The following RTN4 variants were observed in gnomAD, a reference collection of about 807,000 sequenced individuals.
The protein encoded by RTN4 is reticulon 4.
In RTN4, 32 loss-of-function variants were observed where a neutral mutation model predicts 90.4. The observed-to-expected ratio is 0.35, with a 90% confidence interval of 0.27 to 0.48. The LOEUF (loss-of-function observed/expected upper bound fraction) is 0.48. RTN4 is among the 20% of genes least tolerant of loss of function. RTN4 has a pLI of 0.99. For missense variants in RTN4, 1,706 were observed against 1,430.2 expected (o/e 1.19, Z -3.11); for synonymous variants, 629 against 552.5 (o/e 1.14, Z -1.94).
chr2:55,043,830 G>A (rs941395599), intron 1 of RTN4, among the ~76,000 whole-genome samples: 4 of 152,058 alleles, frequency 2.6e-5, no homozygotes, highest in South Asian at 4.1e-4. Context: ...AGGTTGCAGT[G>A]AGCCAAGATT....
At chr2:55,012,996 ATTC>A (rs2104800680) in intron 3 of RTN4, among the ~76,000 whole-genome samples, 1 of 152,290 alleles carries the variant, frequency 6.6e-6, no homozygotes, top group Admixed American at 6.5e-5. Flanking sequence ...AAAAAAATTA[ATTC>A]TTTTGAGGAC....
chr2:55,095,513 T>A (rs1043548022), intron 1 of RTN4, among the ~76,000 whole-genome samples: 6 of 152,138 alleles, frequency 3.9e-5, no homozygotes, highest in Non-Finnish European at 8.8e-5. Flanking sequence ...TATTCAGATT[T>A]TTTTCTTTTC....
chr2:55,107,783 A>G (rs1573522003), intron 1 of RTN4, among the ~76,000 whole-genome samples: 1 of 152,064 alleles, frequency 6.6e-6, no homozygotes, highest in East Asian at 1.9e-4. Flanking sequence ...AGGATTTCTC[A>G]CCCTTGGTCA....
chr2:55,040,962 T>C (rs1167525092), intron 1 of RTN4, among the ~76,000 whole-genome samples: 2 of 150,602 alleles, frequency 1.3e-5, no homozygotes, highest in Non-Finnish European at 3.0e-5. Context: ...ATAATTATTT[T>C]TGAAAAGTAG....
rs117734746 is a variant in RTN4, at chr2:54,994,752, G to C, written c.3014-7054C>G. 2.0e-5 allele frequency among the ~76,000 whole-genome samples: 3 copies of C among 152,292 alleles called. No individual in the cohort carries two copies. In the East Asian group the frequency reaches 5.8e-4, roughly 29 times the overall value. Reference sequence around the variant, plus strand: ...AAAGACATACAAGGCATCCATATTGGAAAGGAAGAGATTAAACTCTATTTA... The same window carrying C: ...AAAGACATACAAGGCATCCATATTGCAAAGGAAGAGATTAAACTCTATTTA... On this transcript the variant is annotated intron_variant, in intron 3 of 8. Coordinates refer to ENST00000337526, the MANE Select transcript of RTN4 (RefSeq NM_020532.5).
Position 55,049,433 on chromosome 2 carries a change from G to A in RTN4, c.556+312C>T, listed in dbSNP as rs959757633. 23 of 412,846 alleles carry A rather than the reference G, an allele frequency of 5.6e-5. No homozygotes were observed. The Admixed American group carries it at 8.5e-4, about 15-fold the overall frequency. The allele number at this position is 412,846 out of a possible 1,614,324, so 25.6% of individuals were successfully genotyped here. ...AACCCTGGCTCTCGGGTATATACCC[G>A]GCTCCTACTACGGGTGGGTGCCTAA... On this transcript the variant is annotated intron_variant, in intron 1 of 8. Transcript: ENST00000337526.
At chr2:55,132,215 C>T in the RTN4 span, among the ~76,000 whole-genome samples, 5 of 152,248 alleles carry the variant, frequency 3.3e-5, no homozygotes, top group South Asian at 1.0e-3. Context: ...GTGTTTGAAA[C>T]TTTTCGGCCA....
Position 55,026,754 on chromosome 2 carries a change from T to C in RTN4, c.1345A>G (p.Ser449Gly), listed in dbSNP as rs1681914299. The C allele has an allele frequency of 1.9e-6, 3 of 1,613,956 alleles. No homozygotes were observed. The highest frequency in any genetic ancestry group is 2.5e-6 in the Non-Finnish European group (3 of 1,179,888). ...CGATCCTTTATACCTTCTGGCGTAC[T>C]GGGGAAAGAAGTATCATCATTACTA... is the stretch of plus-strand genomic sequence containing the variant. ...ESSNDDTSFP[S>G]TPEGIKDRSG... is the part of the protein sequence containing the mutation. Residue 449 changes from serine (S) to glycine (G), a missense_variant, in exon 3 of 9, where the codon AGT (serine) becomes GGT (glycine). Transcript: ENST00000337526.
At chr2:55,089,109 G>C (rs996936071) in intron 1 of RTN4, among the ~76,000 whole-genome samples, 2 of 152,092 alleles carry the variant, frequency 1.3e-5, no homozygotes, top group African/African-American at 4.8e-5. Context: ...TTTTAATAGA[G>C]ATGGGGTTTC....
In RTN4 at chr2:55,049,923, G is replaced by A. The variant is rs1207721592; in HGVS notation, c.378C>T (p.Ala126=). The A allele has an allele frequency of 1.5e-6, 2 of 1,339,178 alleles. No homozygotes were observed. The highest frequency in any genetic ancestry group is 6.2e-5 in the East Asian group (2 of 32,216). The allele number at this position is 1,339,178 out of a possible 1,614,324, so 83.0% of individuals were successfully genotyped here. Residue 126 remains alanine (A), a synonymous_variant, in exon 1 of 9, where the codon GCC becomes GCT. Coordinates refer to ENST00000337526, the MANE Select transcript of RTN4 (RefSeq NM_020532.5). ...TVPAPSPLSA[A]AVSPSKLPED... ...CAGGGAGCTTGGAGGGCGAGACTGCGGCAGCAGACAGCGGGGATGGCGCGG... is the reference window on the plus strand; with the variant it reads ...CAGGGAGCTTGGAGGGCGAGACTGCAGCAGCAGACAGCGGGGATGGCGCGG...
intron 1 of RTN4, chr2:55,049,254 C>T: frequency 1.2e-6 from 1 of 829,316 alleles, no homozygotes; most frequent in South Asian, 5.3e-5. Flanking sequence ...AGGAGGGAGC[C>T]CGGGGCAGAA....
intron 1 of RTN4, among the ~76,000 whole-genome samples, chr2:55,088,642 C>T (rs1475832610): frequency 6.6e-6 from 1 of 152,222 alleles, no homozygotes; most frequent in Non-Finnish European, 1.5e-5. Context: ...TTGGCACATA[C>T]ATTGGAGCTT....
intron 5 of RTN4, among the ~76,000 whole-genome samples, chr2:54,976,028 G>A (rs1677604007): frequency 6.6e-6 from 1 of 152,180 alleles, no homozygotes; most frequent in African/African-American, 2.4e-5. Flanking sequence ...GACTCCTATT[G>A]CTGAAGCTAA....
intron 5 of RTN4, among the ~76,000 whole-genome samples, chr2:54,981,522 C>T (rs1306814252): frequency 1.3e-5 from 2 of 152,142 alleles, no homozygotes; most frequent in Admixed American, 6.5e-5. Context: ...TGCAGAGTCA[C>T]AGGAAAGAGC....
rs1190723318 is a variant in RTN4 at position 55,080,449 on chromosome 2, C to CT, written c.-63+39dup. ...TATAAAAAAATGAAATATGACATTC[C>CT]TTGTATTTGCATATCACAGAGCAAA... is the stretch of plus-strand genomic sequence containing the variant. On this transcript the variant is annotated intron_variant, in intron 2 of 3. Coordinates refer to the RTN4 transcript ENST00000427710. The CT allele has an allele frequency of 2.0e-5, 3 of 152,142 alleles. No individual in the cohort carries two copies. In the East Asian group the frequency reaches 5.8e-4, roughly 29 times the overall value. The allele number at this position is 152,142 out of a possible 1,614,324, so 9.4% of individuals were successfully genotyped here.
At chr2:54,988,366 T>C (rs941027618) in intron 3 of RTN4, among the ~76,000 whole-genome samples, 2 of 152,136 alleles carry the variant, frequency 1.3e-5, no homozygotes, top group African/African-American at 4.8e-5. Flanking sequence ...ATGCTATATA[T>C]TCAAATAATT....
At position 55,026,825 on chromosome 2, in the gene RTN4, A is replaced by G; in HGVS notation, c.1274T>C (p.Phe425Ser). The change falls in exon 3 of 9, where the codon TTT (phenylalanine) becomes TCT (serine). Residue 425 changes from phenylalanine (F) to serine (S), a missense_variant. Coordinates refer to ENST00000337526, the MANE Select transcript of RTN4 (RefSeq NM_020532.5). ...ATTAGTTTGCTCAAGGCTATCTGCA[A>G]AACATTTTTTATCCACTTTACTTTC... is the stretch of plus-strand genomic sequence containing the variant. ...NLESKVDKKC[F>S]ADSLEQTNHE... The G allele has an allele frequency of 6.2e-7, 1 of 1,613,972 alleles. No individual in the cohort carries two copies. The highest frequency in any genetic ancestry group is 8.5e-7 in the Non-Finnish European group (1 of 1,179,910).
At chr2:55,054,973 A>T (rs1442640001), upstream of RTN4, among the ~76,000 whole-genome samples, 1 of 152,140 alleles carries the variant, frequency 6.6e-6, no homozygotes, top group Non-Finnish European at 1.5e-5. Context: ...TAAATGTAAG[A>T]TCAACTTCTT....
intron 1 of RTN4, among the ~76,000 whole-genome samples, chr2:55,033,209 G>T (rs561638564): frequency 6.6e-6 from 1 of 152,188 alleles, no homozygotes; most frequent in Admixed American, 6.5e-5. Context: ...ATCAAAGATA[G>T]AGACAACCCT....
Sources: gnomAD v4.1 joint callset for allele counts (sites outside exome capture counted in the v4.1 genomes callset) on GRCh38, gnomAD v4.1.1 for gene constraint, MANE v1.5 for transcripts, NCBI Gene and HGNC (gene_info 2026-07-23, HGNC 2026-07-21) for gene names.